Variants in TAFA1 observed in about 807,000 individuals in gnomAD.
The protein encoded by TAFA1 is TAFA chemokine like family member 1.
A neutral mutation model predicts 18.5 loss-of-function variants in TAFA1; 4 were observed. The observed-to-expected ratio is 0.22, with a 90% CI of 0.11 to 0.49. TAFA1 has a LOEUF of 0.49. TAFA1 is among the 20% of genes least tolerant of loss of function. TAFA1 has a pLI of 0.98. For synonymous variants in TAFA1, 56 were observed against 55.2 expected, an observed-to-expected ratio of 1.01 and a Z score of -0.06; for missense variants, 147 against 169.0, an observed-to-expected ratio of 0.87 and a Z score of 0.72.
intron 3 of TAFA1, among the ~76,000 whole-genome samples, chr3:68,445,100 AC>A (rs1458586852): frequency 6.6e-6 from 1 of 152,146 alleles, no homozygotes; most frequent in South Asian, 2.1e-4. Flanking sequence ...ATTAAACAAA[AC>A]TTAGACATGC....
At chr3:68,396,494 A>G (rs149432704) in intron 2 of TAFA1, among the ~76,000 whole-genome samples, 2 of 152,304 alleles carry the variant, frequency 1.3e-5, no homozygotes, top group East Asian at 1.9e-4. Flanking sequence ...CTTCTATACT[A>G]TATCTTCTTT....
intron 2 of TAFA1, among the ~76,000 whole-genome samples, chr3:68,192,095 C>T (rs776564483): frequency 5.9e-5 from 9 of 151,748 alleles, no homozygotes; most frequent in Admixed American, 1.3e-4. Context: ...CTTGTCTTTT[C>T]AGCTATAAGA....
intron 2 of TAFA1, among the ~76,000 whole-genome samples, chr3:68,048,278 C>T (rs929188809): frequency 1.3e-5 from 2 of 151,794 alleles, no homozygotes; most frequent in South Asian, 4.1e-4. Flanking sequence ...TATGGCAGGG[C>T]TGTCATGTAT....
intron 2 of TAFA1, among the ~76,000 whole-genome samples, chr3:68,054,789 A>G (rs2064513658): frequency 6.6e-6 from 1 of 152,150 alleles, no homozygotes; most frequent in African/African-American, 2.4e-5. Flanking sequence ...TTATTCATTC[A>G]TTTGTTTATT....
intron 2 of TAFA1, among the ~76,000 whole-genome samples, chr3:68,357,537 C>A (rs1388974018): frequency 1.3e-5 from 2 of 151,790 alleles, no homozygotes; most frequent in Non-Finnish European, 1.5e-5. Flanking sequence ...CCATTTCCAC[C>A]CCTTCTATTG....
intron 2 of TAFA1, among the ~76,000 whole-genome samples, chr3:68,069,920 A>T (rs1377773777): frequency 1.3e-5 from 2 of 152,090 alleles, no homozygotes; most frequent in African/African-American, 4.8e-5. Flanking sequence ...GGGCAGCTCC[A>T]CCTCTGTGCC....
chr3:68,395,232 G>A (rs980758282), intron 2 of TAFA1, among the ~76,000 whole-genome samples: 5 of 152,020 alleles, frequency 3.3e-5, no homozygotes, highest in African/African-American at 1.2e-4. Flanking sequence ...CATATTAAAA[G>A]CACAATGAGA....
At chr3:68,226,168 C>G (rs1179852983) in intron 2 of TAFA1, among the ~76,000 whole-genome samples, 1 of 152,134 alleles carries the variant, frequency 6.6e-6, no homozygotes, top group Non-Finnish European at 1.5e-5. Flanking sequence ...TTCCTTAGAG[C>G]TTGATCAGAC....
chr3:68,132,356 T>C (rs1376902707), intron 2 of TAFA1, among the ~76,000 whole-genome samples: 1 of 152,208 alleles, frequency 6.6e-6, no homozygotes, highest in Non-Finnish European at 1.5e-5. Flanking sequence ...GCATGTGTCT[T>C]TATAGTAGAA....
At chr3:68,451,439 G>A (rs921433534) in intron 3 of TAFA1, among the ~76,000 whole-genome samples, 1 of 152,142 alleles carries the variant, frequency 6.6e-6, no homozygotes, top group Non-Finnish European at 1.5e-5. Flanking sequence ...GCAAGACAAA[G>A]TAAACGACTA....
intron 2 of TAFA1, among the ~76,000 whole-genome samples, chr3:68,306,822 C>G (rs2068432211): frequency 6.6e-6 from 1 of 152,128 alleles, no homozygotes; most frequent in African/African-American, 2.4e-5. Context: ...TGTCCACATT[C>G]CTGTAACAGC....
At chr3:68,069,263 G>A (rs556979290) in intron 2 of TAFA1, among the ~76,000 whole-genome samples, 40 of 152,194 alleles carry the variant, frequency 2.6e-4, no homozygotes, top group Non-Finnish European at 4.6e-4. Flanking sequence ...GGCTGGGGAG[G>A]CCTTACAATC....
Position 68,118,476 on chromosome 3 carries a change from T to G in TAFA1, c.118+111732T>G, listed in dbSNP as rs527309538. ...AACAGGTAACGGACTGGTACTGGTC[T>G]GTGGCCCAGGGGTTAGGGACCCCTG... On this transcript the variant is annotated intron_variant, in intron 2 of 4. Coordinates refer to ENST00000478136, the MANE Select transcript of TAFA1 (RefSeq NM_213609.4). Among the ~76,000 whole-genome samples the G allele has an allele frequency of 2.6e-5, 4 of 152,290 alleles. No individual in the cohort carries two copies. The East Asian group carries it at 7.7e-4, about 29-fold the overall frequency.
intron 2 of TAFA1, among the ~76,000 whole-genome samples, chr3:68,228,082 T>C (rs1184141068): frequency 6.6e-6 from 1 of 152,140 alleles, no homozygotes; most frequent in East Asian, 1.9e-4. Flanking sequence ...GGCAGATGCA[T>C]TTGAGGTTTG....
intron 2 of TAFA1, among the ~76,000 whole-genome samples, chr3:68,160,099 C>G (rs1193564503): frequency 6.6e-6 from 1 of 152,180 alleles, no homozygotes; most frequent in Non-Finnish European, 1.5e-5. Context: ...AGCTCTTGGG[C>G]TTCTGCAAGG....
chr3:68,070,437 C>T (rs991363656), intron 2 of TAFA1, among the ~76,000 whole-genome samples: 1 of 152,206 alleles, frequency 6.6e-6, no homozygotes. Context: ...CCTAGGAAAC[C>T]ATCTTGTCCA....
intron 2 of TAFA1, among the ~76,000 whole-genome samples, chr3:68,265,291 C>T (rs2067521361): frequency 6.6e-6 from 1 of 152,148 alleles, no homozygotes; most frequent in South Asian, 2.1e-4. Context: ...GGAAGTCTAA[C>T]CACAGCATTC....
intron 2 of TAFA1, among the ~76,000 whole-genome samples, chr3:68,007,772 T>G (rs1704389701): frequency 6.6e-6 from 1 of 152,256 alleles, no homozygotes; most frequent in Non-Finnish European, 1.5e-5. Context: ...AGCTTCCTCC[T>G]GCTGCGTAGT....
At chr3:68,198,866 A>T (rs2107033740) in intron 2 of TAFA1, among the ~76,000 whole-genome samples, 1 of 151,584 alleles carries the variant, frequency 6.6e-6, no homozygotes, top group East Asian at 2.0e-4. Context: ...GGACATTTTT[A>T]ATTTTAATGA....
Sources: allele counts gnomAD v4.1 joint callset (sites outside exome capture counted in the v4.1 genomes callset), GRCh38; gene constraint gnomAD v4.1.1; transcripts MANE v1.5; gene names NCBI Gene and HGNC (gene_info 2026-07-23, HGNC 2026-07-21).